Variants in IQCE observed in about 807,000 individuals in gnomAD.
IQCE encodes the protein IQ motif containing E, also known as IQ domain-containing protein E.
IQCE carries 115 observed loss-of-function variants against 96.0 expected under a neutral mutation model. The observed-to-expected ratio is 1.20, with a 90% CI of 1.03 to 1.40. The LOEUF is 1.40. IQCE is among the 40% of genes most tolerant of loss of function. IQCE has a pLI of 0.00. For missense variants in IQCE, 1,041 were observed against 909.1 expected (o/e 1.15, Z -1.87); for synonymous variants, 412 against 371.2 (o/e 1.11, Z -1.26).
intron 8 of IQCE, chr7:2,581,981 G>C (rs1251556079): frequency 4.6e-6 from 2 of 439,520 alleles, no homozygotes; most frequent in African/African-American, 4.1e-5. Context: ...CAAAGTGCTG[G>C]GATTACAGGC....
At chr7:2,593,230 TAGAA>T in intron 15 of IQCE, 104 bp downstream of exon 15, 1 of 1,462,924 alleles carries the variant, frequency 6.8e-7, no homozygotes, top group Non-Finnish European at 9.2e-7. Flanking sequence ...GCCGGCTTCT[TAGAA>T]AGGCCACACC....
chr7:2,601,216 A>G (rs1222211312), intron 17 of IQCE, among the ~76,000 whole-genome samples: 2 of 152,146 alleles, frequency 1.3e-5, no homozygotes, highest in East Asian at 1.9e-4. Flanking sequence ...GGGCCACCTC[A>G]TGTGACTCCT....
chr7:2,593,089 G>A lies in IQCE; in HGVS notation c.1312G>A (p.Gly438Ser), dbSNP rs1206914513. Residue 438 changes from glycine (G) to serine (S), a missense_variant, in exon 15 of 22, where the codon GGC becomes AGC. Gly to Ser is a moderately conservative substitution (Grantham distance 56). Coordinates refer to ENST00000402050, the MANE Select transcript of IQCE (RefSeq NM_152558.5). ...GAAGGAGCTGGAGTGCGCGAGGGAG[G>A]GCGAGGAGGAGAGGAGAGAGCGAGA... is the stretch of plus-strand genomic sequence containing the variant. ...LEKELECARE[G>S]EEERREREEV... 2.5e-6 allele frequency: 4 copies of A among 1,612,588 alleles called. No individual in the cohort carries two copies. Among genetic ancestry groups the A allele is most frequent in the African/African-American group, 2.7e-5 (2 of 74,942 alleles).
At position 2,607,161 on chromosome 7, in the gene IQCE, AGG is replaced by A. The variant is rs1784895367; in HGVS notation, c.1904_1905del (p.Arg635LysfsTer22). 1 of 1,611,898 alleles carries A rather than the reference AGG, an allele frequency of 6.2e-7. No individual in the cohort carries two copies. Among genetic ancestry groups the A allele is most frequent in the Non-Finnish European group, 8.5e-7 (1 of 1,179,266 alleles). On this transcript the variant is annotated frameshift_variant, in exon 21 of 22. Coordinates refer to ENST00000402050, the MANE Select transcript of IQCE (RefSeq NM_152558.5). LOFTEE classifies it high-confidence loss of function. ...AAGAACCACCACCGCAGCTTCTACC[AGG>A]AGGAGATCGGCTTCAGCCACACACG... is the stretch of plus-strand genomic sequence containing the variant. Reference protein sequence around the residue: ...GKRTTTAASTRRRSASATHGD... With the variant: ...GKRTTTAASTXRRSASATHGD...
At chr7:2,594,648 C>T (rs549912930) in intron 15 of IQCE, among the ~76,000 whole-genome samples, 42 of 152,360 alleles carry the variant, frequency 2.8e-4, no homozygotes, top group African/African-American at 9.1e-4. Context: ...GCCACGGCCT[C>T]GTGGGGCTTC....
At chr7:2,568,910 T>C (rs746485113) in intron 2 of IQCE, 44 bp from the exon 3 acceptor site, 25 of 1,580,162 alleles carry the variant, frequency 1.6e-5, no homozygotes, top group Non-Finnish European at 2.1e-5. Flanking sequence ...GATGCACCAC[T>C]GTGGGAGCTC....
At position 2,610,191 on chromosome 7, in the gene IQCE, G is replaced by A; in HGVS notation, c.*29G>A. Reference sequence around the variant, plus strand: ...CCCGTCACTGTCTCCACGCCGTGATGGCAGCGCTGCCGAGGACATAGGAAC... The same window carrying A: ...CCCGTCACTGTCTCCACGCCGTGATAGCAGCGCTGCCGAGGACATAGGAAC... On this transcript the variant is annotated 3_prime_UTR_variant, in exon 22 of 22. Transcript: ENST00000402050. The A allele has an allele frequency of 1.5e-6, 2 of 1,307,588 alleles. No individual in the cohort carries two copies. The highest frequency in any genetic ancestry group is 2.2e-6 in the Non-Finnish European group (2 of 899,540). 81.0% of individuals were successfully genotyped at this position (1,307,588 alleles called of 1,614,324 possible). A position where few individuals can be genotyped will look rare whatever the true frequency, so the allele number is the denominator to read the frequency against.
chr7:2,563,670 G>A (rs911793984), intron 1 of IQCE, among the ~76,000 whole-genome samples: 3 of 151,926 alleles, frequency 2.0e-5, no homozygotes, highest in South Asian at 2.1e-4. Context: ...CGAGGCGGGC[G>A]GATCACGAGG....
intron 1 of IQCE, 97 bp from the exon 2 acceptor site, chr7:2,567,019 C>T: frequency 1.0e-6 from 1 of 965,488 alleles, no homozygotes; most frequent in Non-Finnish European, 1.6e-6. Flanking sequence ...GTTTCTGTTT[C>T]AGCAGCTGTG....
At chr7:2,596,398 CA>C (rs1784043108) in intron 16 of IQCE, among the ~76,000 whole-genome samples, 1 of 128,074 alleles carries the variant, frequency 7.8e-6, no homozygotes, top group African/African-American at 3.1e-5. Context: ...GGGTTATAAG[CA>C]TTTTTTTTTT....
chr7:2,587,180 C>CAT (rs1756378814), intron 12 of IQCE, among the ~76,000 whole-genome samples: 1 of 151,972 alleles, frequency 6.6e-6, no homozygotes, highest in African/African-American at 2.4e-5. Context: ...CTGAAAAAGA[C>CAT]AGAGTTGCTA....
At chr7:2,593,172 A>G (rs747999691) in intron 15 of IQCE, 46 bp downstream of exon 15, 48 of 1,556,984 alleles carry the variant, frequency 3.1e-5, no homozygotes, top group African/African-American at 1.1e-4. Context: ...GCGAGTCCGC[A>G]CTCCTGCTAC....
chr7:2,608,219 G>A lies in IQCE; in HGVS notation c.1969+992G>A, dbSNP rs182120391. 6.4e-3 allele frequency among the ~76,000 whole-genome samples: 969 copies of A among 152,300 alleles called. 11 individuals carry two copies. Among genetic ancestry groups the A allele is most frequent in the African/African-American group, 0.022 (915 of 41,580 alleles). On this transcript the variant is annotated intron_variant, in intron 21 of 21. Coordinates refer to ENST00000402050, the MANE Select transcript of IQCE (RefSeq NM_152558.5). ...ACCACTCCAGTAAGTGTGGGGGCCC[G>A]TGGCGGGCGGAGGCCTCGCTTTCCT...
chr7:2,563,014 C>T (rs1281835191), intron 1 of IQCE, among the ~76,000 whole-genome samples: 5 of 152,174 alleles, frequency 3.3e-5, no homozygotes, highest in Non-Finnish European at 7.3e-5. Flanking sequence ...CAGCCTCATA[C>T]TCCTGGGCTT....
intron 6 of IQCE, 80 bp from the exon 7 acceptor site, chr7:2,578,162 T>TGGCTGTGTGCGC: frequency 9.3e-7 from 1 of 1,078,290 alleles, no homozygotes; most frequent in Non-Finnish European, 1.4e-6. Context: ...GGCGTGTGCG[T>TGGCTGTGTGCGC]GGCTGTGTGC....
intron 21 of IQCE, among the ~76,000 whole-genome samples, chr7:2,609,152 G>A (rs571020786): frequency 6.6e-6 from 1 of 152,144 alleles, no homozygotes; most frequent in Admixed American, 6.5e-5. Flanking sequence ...TGTAGGTGGC[G>A]TCCCATTCTA....
At chr7:2,574,319 A>T (rs895897987) in intron 6 of IQCE, among the ~76,000 whole-genome samples, 1 of 152,240 alleles carries the variant, frequency 6.6e-6, no homozygotes, top group African/African-American at 2.4e-5. Context: ...ACGGAAGAGG[A>T]TCTGGAAGCC....
At position 2,587,858 on chromosome 7, in the gene IQCE, G is replaced by T. The variant is rs750214898; in HGVS notation, c.1025G>T (p.Arg342Leu). ...TGGAGCAAGCCCCGGCTGCTGAGGC[G>T]CATTGTGGAGCTGGAGAAGGTGAGC... is the stretch of plus-strand genomic sequence containing the variant. The part of the protein sequence containing the change: ...VEWSKPRLLR[R>L]IVELEKKLSV... Residue 342 changes from arginine (R) to leucine (L), a missense_variant, in exon 13 of 22, where the codon CGC becomes CTC. Coordinates refer to ENST00000402050, the MANE Select transcript of IQCE (RefSeq NM_152558.5). 280 of 1,613,894 alleles carry T rather than the reference G, an allele frequency of 1.7e-4. 1 individual carries two copies. Among genetic ancestry groups the T allele is most frequent in the Middle Eastern group, 3.3e-4 (2 of 6,084 alleles).
At chr7:2,583,608 C>T in intron 9 of IQCE, 29 bp from the exon 10 acceptor site, 3 of 1,555,662 alleles carry the variant, frequency 1.9e-6, no homozygotes, top group Non-Finnish European at 1.8e-6. Context: ...GCTGGCACAT[C>T]CCTATTAACG....
Sources: gnomAD v4.1 joint callset for allele counts (sites outside exome capture counted in the v4.1 genomes callset) on GRCh38, gnomAD v4.1.1 for gene constraint, MANE v1.5 for transcripts, NCBI Gene and HGNC (gene_info 2026-07-23, HGNC 2026-07-21) for gene names.